ITGB6: variants seen among roughly 807,000 people sequenced by gnomAD.
The protein encoded by ITGB6 is integrin subunit beta 6.
A neutral mutation model predicts 84.5 loss-of-function variants in ITGB6; 80 were observed. That is an observed-to-expected ratio of 0.95 (90% CI 0.79 to 1.14). The LOEUF is 1.14. Ranked by LOEUF, ITGB6 falls within the 50% of genes most tolerant of loss-of-function variation. ITGB6 has a pLI of 0.00. For missense variants in ITGB6, 1,006 were observed against 968.0 expected (o/e 1.04, Z -0.52); for synonymous variants, 383 against 354.9 (o/e 1.08, Z -0.89).
chr2:160,121,850 C>A (rs1251389683), intron 12 of ITGB6, among the ~76,000 whole-genome samples: 1 of 149,818 alleles, frequency 6.7e-6, no homozygotes, highest in African/African-American at 2.4e-5. Context: ...CCACTCACAG[C>A]ATAACTGAGG....
At chr2:160,131,987 A>C (rs999772631) in intron 10 of ITGB6, among the ~76,000 whole-genome samples, 2 of 152,178 alleles carry the variant, frequency 1.3e-5, no homozygotes, top group African/African-American at 2.4e-5. Flanking sequence ...CAAGATTTAA[A>C]GGGTGAAATA....
In ITGB6 at chr2:160,142,090, T is replaced by C. The variant is rs1011007752; in HGVS notation, c.1018-19A>G. On this transcript the variant is annotated intron_variant, in intron 7 of 14. Transcript: ENST00000283249. The stretch of plus-strand genomic sequence containing the variant: ...CGTAATTCTGTAAACAGAAAAAGAG[T>C]AAGTCAATCTTTGTTTCCTCATGGT... 2 of 1,474,362 alleles carry C rather than the reference T, an allele frequency of 1.4e-6. No individual in the cohort carries two copies. Among genetic ancestry groups the C allele is most frequent in the East Asian group, 2.3e-5 (1 of 42,598 alleles). 91.3% of individuals were successfully genotyped at this position (1,474,362 alleles called of 1,614,324 possible). A position where few individuals can be genotyped will look rare whatever the true frequency, so the allele number is the denominator to read the frequency against.
At chr2:160,177,547 G>T (rs1274998085) in intron 4 of ITGB6, among the ~76,000 whole-genome samples, 1 of 151,442 alleles carries the variant, frequency 6.6e-6, no homozygotes, top group African/African-American at 2.4e-5. Flanking sequence ...CTCCAGCCTG[G>T]GCGATAGAGC....
At chr2:160,127,342 A>G (rs969716107) in intron 10 of ITGB6, among the ~76,000 whole-genome samples, 3 of 152,180 alleles carry the variant, frequency 2.0e-5, no homozygotes, top group African/African-American at 7.2e-5. Context: ...CATCTGCATA[A>G]TAAGAACCCT....
chr2:160,135,358 A>C (rs1267600971), intron 10 of ITGB6, among the ~76,000 whole-genome samples: 2 of 151,786 alleles, frequency 1.3e-5, no homozygotes, highest in African/African-American at 4.8e-5. Context: ...GATGTGAAGG[A>C]CCTCTTCAAG....
At chr2:160,114,230 T>C (rs575834065) in intron 12 of ITGB6, among the ~76,000 whole-genome samples, 1 of 152,332 alleles carries the variant, frequency 6.6e-6, no homozygotes, top group South Asian at 2.1e-4. Context: ...GTTACGGCTC[T>C]AGATGTAGCC....
intron 4 of ITGB6, 105 bp from the exon 5 acceptor site, chr2:160,174,244 C>G (rs1685326961): frequency 1.2e-6 from 1 of 853,346 alleles, no homozygotes. Context: ...ATTAGTTTTT[C>G]TAAAGGGCCT....
chr2:160,157,030 C>G (rs2105846890), intron 7 of ITGB6, among the ~76,000 whole-genome samples: 1 of 152,260 alleles, frequency 6.6e-6, no homozygotes, highest in Middle Eastern at 3.4e-3. Flanking sequence ...CCATGCCCAC[C>G]TCTTTATAGC....
chr2:160,112,274 A>G, intron 12 of ITGB6, 75 bp from the exon 13 acceptor site: 1 of 1,338,808 alleles, frequency 7.5e-7, no homozygotes, highest in Non-Finnish European at 1.0e-6. Flanking sequence ...AGTAGTATTG[A>G]GTTTTAATAT....
intron 7 of ITGB6, among the ~76,000 whole-genome samples, chr2:160,167,954 G>T (rs2105861583): frequency 6.7e-6 from 1 of 149,904 alleles, no homozygotes; most frequent in Non-Finnish European, 1.5e-5. Context: ...ATCAAAGGCA[G>T]AATAGACTCA....
At chr2:160,195,974 C>A (rs759930570) in intron 3 of ITGB6, among the ~76,000 whole-genome samples, 2 of 152,162 alleles carry the variant, frequency 1.3e-5, no homozygotes, top group Non-Finnish European at 2.9e-5. Flanking sequence ...TAAGCCTTAA[C>A]AACATTTGAA....
At chr2:160,162,608 G>A (rs988625858) in intron 7 of ITGB6, among the ~76,000 whole-genome samples, 3 of 152,026 alleles carry the variant, frequency 2.0e-5, no homozygotes, top group African/African-American at 7.2e-5. Context: ...ATAAGTATGT[G>A]GGTGTTTATT....
intron 6 of ITGB6, among the ~76,000 whole-genome samples, chr2:160,170,216 A>G (rs1685151091): frequency 1.3e-5 from 2 of 152,222 alleles, no homozygotes; most frequent in Admixed American, 6.5e-5. Flanking sequence ...GCCCTCCTGT[A>G]CACTCATATG....
intron 12 of ITGB6, among the ~76,000 whole-genome samples, chr2:160,119,147 C>A (rs1020854169): frequency 7.9e-5 from 12 of 152,266 alleles, no homozygotes; most frequent in African/African-American, 2.9e-4. Flanking sequence ...ACTTTCTTCA[C>A]AGAATTGGAA....
chr2:160,153,982 G>A (rs1387563132), intron 7 of ITGB6, among the ~76,000 whole-genome samples: 1 of 152,226 alleles, frequency 6.6e-6, no homozygotes, highest in Non-Finnish European at 1.5e-5. Context: ...TACACCGTTG[G>A]TGGGAGTGTA....
rs552479122 is a variant in ITGB6, at chr2:160,141,047, A to G, written c.1107+935T>C. On this transcript the variant is annotated intron_variant, in intron 8 of 14. Transcript: ENST00000283249. ...GGAATGCTGGTTCAGTACATGCTAA[A>G]TGTTGGCGTATATTACAGATGGGCC... 3.9e-5 allele frequency among the ~76,000 whole-genome samples: 6 copies of G among 152,292 alleles called. No individual in the cohort carries two copies. The South Asian group carries it at 1.2e-3, about 32-fold the overall frequency.
At chr2:160,164,740 T>C (rs556582354) in intron 7 of ITGB6, among the ~76,000 whole-genome samples, 1 of 152,312 alleles carries the variant, frequency 6.6e-6, no homozygotes, top group African/African-American at 2.4e-5. Context: ...AGTATTGGCC[T>C]AATCAGGCAT....
intron 4 of ITGB6, among the ~76,000 whole-genome samples, chr2:160,189,588 A>C (rs955853150): frequency 3.7e-4 from 56 of 152,226 alleles, no homozygotes; most frequent in Non-Finnish European, 6.3e-4. Flanking sequence ...ATGCAGCCAA[A>C]AGACACATGA....
chr2:160,137,904 G>C, intron 9 of ITGB6, 53 bp from the exon 10 acceptor site: 1 of 1,575,964 alleles, frequency 6.3e-7, no homozygotes, highest in Non-Finnish European at 8.7e-7. Flanking sequence ...TGCACGAGGT[G>C]AAACAAGGCT....
Sources: gnomAD v4.1 joint callset for allele counts (sites outside exome capture counted in the v4.1 genomes callset) on GRCh38, gnomAD v4.1.1 for gene constraint, MANE v1.5 for transcripts, NCBI Gene and HGNC (gene_info 2026-07-23, HGNC 2026-07-21) for gene names.